The following THEMIS variants were observed in gnomAD, a reference collection of about 807,000 sequenced individuals.
THEMIS encodes protein THEMIS.
Under a neutral mutation model 52.6 loss-of-function variants are expected in THEMIS, and 37 were observed. The observed-to-expected ratio is 0.70, with a 90% CI of 0.54 to 0.93. The LOEUF (loss-of-function observed/expected upper bound fraction) is 0.93, where lower values mean the gene tolerates loss of function less well. Ranked by LOEUF, THEMIS falls within the 40% of genes least tolerant of loss-of-function variation. THEMIS has a pLI of 0.00. For missense variants in THEMIS, 808 were observed against 763.1 expected, an observed-to-expected ratio of 1.06 and a Z score of -0.69; for synonymous variants, 292 against 272.7, an observed-to-expected ratio of 1.07 and a Z score of -0.70.
At position 127,855,040 on chromosome 6, in the gene THEMIS, C is replaced by A; in HGVS notation, c.240G>T (p.Met80Ile). Reference protein sequence around the residue: ...CESLQPFELPMNFPGLFKIVA... With the variant: ...CESLQPFELPINFPGLFKIVA... Reference sequence around the variant, plus strand: ...TGCAATGTGCTGTACCTGGAAAATTCATAGGCAGTTCAAATGGCTGTAGAG... The same window carrying A: ...TGCAATGTGCTGTACCTGGAAAATTAATAGGCAGTTCAAATGGCTGTAGAG... The change falls in exon 2 of 6, where the codon ATG becomes ATT. Residue 80 changes from methionine (M) to isoleucine (I), a missense_variant. Met to Ile is a conservative substitution (Grantham distance 10, BLOSUM62 1). Coordinates refer to ENST00000368248, the MANE Select transcript of THEMIS (RefSeq NM_001010923.3). 6.2e-7 allele frequency: 1 copy of A among 1,604,008 alleles called. No individual in the cohort carries two copies. Among genetic ancestry groups the A allele is most frequent in the South Asian group, 1.1e-5 (1 of 88,936 alleles).
At chr6:127,719,383 G>T (rs191423176) in intron 5 of THEMIS, among the ~76,000 whole-genome samples, 6 of 151,822 alleles carry the variant, frequency 4.0e-5, no homozygotes, top group Non-Finnish European at 4.4e-5. Context: ...CTTGTTCATT[G>T]TTCCAGCAAA....
intron 1 of THEMIS, among the ~76,000 whole-genome samples, chr6:127,863,202 A>T: frequency 6.6e-6 from 1 of 152,220 alleles, no homozygotes; most frequent in East Asian, 1.9e-4. Flanking sequence ...AATTTCATTT[A>T]CATCTCTAAG....
chr6:127,879,013 A>G (rs927257218), intron 1 of THEMIS, among the ~76,000 whole-genome samples: 2 of 152,208 alleles, frequency 1.3e-5, no homozygotes, highest in Non-Finnish European at 2.9e-5. Context: ...TCTTGTTTAT[A>G]TCTTTGTGGA....
intron 3 of THEMIS, among the ~76,000 whole-genome samples, chr6:127,822,775 G>A (rs1296279253): frequency 6.6e-6 from 1 of 152,072 alleles, no homozygotes; most frequent in East Asian, 1.9e-4. Context: ...AGTAAAGGAT[G>A]TTACCTTCCA....
At chr6:127,881,842 C>A (rs931914053) in intron 1 of THEMIS, among the ~76,000 whole-genome samples, 2 of 151,748 alleles carry the variant, frequency 1.3e-5, no homozygotes, top group Non-Finnish European at 3.0e-5. Flanking sequence ...TTTTAAACTT[C>A]AAATTTACAT....
chr6:127,719,974 T>C (rs1309555643), intron 4 of THEMIS, 151 bp from the exon 5 acceptor site: 4 of 1,037,884 alleles, frequency 3.9e-6, no homozygotes, highest in African/African-American at 1.7e-5. Context: ...TGTTCATCAA[T>C]ATATTTTGGA....
At chr6:127,730,323 A>AG (rs1774737713) in intron 4 of THEMIS, among the ~76,000 whole-genome samples, 1 of 148,652 alleles carries the variant, frequency 6.7e-6, no homozygotes, top group Admixed American at 6.7e-5. Context: ...AAAGAGAAAA[A>AG]AAGAAAAGAA....
chr6:127,819,171 A>AACAG (rs929127771), intron 3 of THEMIS, among the ~76,000 whole-genome samples: 2 of 151,052 alleles, frequency 1.3e-5, no homozygotes, highest in Non-Finnish European at 3.0e-5. Flanking sequence ...AAAACACAGA[A>AACAG]ACAGAAATAA....
intron 4 of THEMIS, among the ~76,000 whole-genome samples, chr6:127,720,576 G>A (rs1001000427): frequency 5.2e-4 from 79 of 152,076 alleles, no homozygotes; most frequent in Admixed American, 1.9e-3. Flanking sequence ...CAGAATATGT[G>A]AAGATTCTCA....
chr6:127,741,407 T>G (rs1396175957), intron 4 of THEMIS, among the ~76,000 whole-genome samples: 1 of 152,154 alleles, frequency 6.6e-6, no homozygotes, highest in African/African-American at 2.4e-5. Context: ...TATTATAGAC[T>G]TAGAATCATA....
At chr6:127,742,298 G>C (rs1775228680) in intron 4 of THEMIS, among the ~76,000 whole-genome samples, 1 of 140,078 alleles carries the variant, frequency 7.1e-6, no homozygotes, top group Non-Finnish European at 1.5e-5. Context: ...CTGAGTGACA[G>C]AGTGAGACTC....
chr6:127,897,426 T>C (rs1781001413), intron 1 of THEMIS, among the ~76,000 whole-genome samples: 1 of 151,210 alleles, frequency 6.6e-6, no homozygotes, highest in Admixed American at 6.6e-5. Flanking sequence ...TATATACACA[T>C]AAACTCCATC....
At chr6:127,735,527 T>A (rs951406222) in intron 4 of THEMIS, among the ~76,000 whole-genome samples, 3 of 152,190 alleles carry the variant, frequency 2.0e-5, no homozygotes, top group East Asian at 1.9e-4. Context: ...TGTTTGGGAT[T>A]TTTAGCTTTT....
At chr6:127,876,796 A>G (rs1343162078) in intron 1 of THEMIS, among the ~76,000 whole-genome samples, 1 of 152,234 alleles carries the variant, frequency 6.6e-6, no homozygotes, top group Non-Finnish European at 1.5e-5. Context: ...GAGTGACAAT[A>G]GAGCATCTTG....
intron 2 of THEMIS, among the ~76,000 whole-genome samples, chr6:127,853,122 A>G (rs897433703): frequency 1.3e-5 from 2 of 151,700 alleles, no homozygotes; most frequent in Non-Finnish European, 3.0e-5. Flanking sequence ...ATTGTAATAA[A>G]TAAGATTCAG....
chr6:127,759,856 C>CTCCT (rs71028104), intron 4 of THEMIS, among the ~76,000 whole-genome samples: 116 of 119,380 alleles, frequency 9.7e-4, no homozygotes, highest in African/African-American at 2.1e-3. Context: ...CCCTCCCTCC[C>CTCCT]TCCTTCCTTC....
intron 3 of THEMIS, 132 bp from the exon 4 acceptor site, chr6:127,814,063 T>C: frequency 1.3e-6 from 1 of 783,764 alleles, no homozygotes; most frequent in Non-Finnish European, 1.9e-6. Context: ...TATCATTTCT[T>C]ATGTGTGATT....
the THEMIS span, among the ~76,000 whole-genome samples, chr6:127,703,065 T>A: frequency 7.5e-6 from 1 of 132,922 alleles, no homozygotes; most frequent in Non-Finnish European, 1.6e-5. Flanking sequence ...TTTTTTTTTT[T>A]GAGACGGAGT....
At chr6:127,734,573 G>T (rs1057436601) in intron 4 of THEMIS, among the ~76,000 whole-genome samples, 4 of 151,850 alleles carry the variant, frequency 2.6e-5, no homozygotes, top group African/African-American at 9.7e-5. Context: ...AGACGTGAGG[G>T]TGCATAAAAA....
Sources: gnomAD v4.1 joint callset for allele counts (sites outside exome capture counted in the v4.1 genomes callset) on GRCh38, gnomAD v4.1.1 for gene constraint, MANE v1.5 for transcripts, NCBI Gene and HGNC (gene_info 2026-07-23, HGNC 2026-07-21) for gene names.